TMEM97: variants seen among roughly 807,000 people sequenced by gnomAD.
TMEM97 encodes the protein transmembrane protein 97.
Under a neutral mutation model 18.3 loss-of-function variants are expected in TMEM97, and 13 were observed. The ratio of observed to expected loss-of-function variants is 0.71; its 90% confidence interval spans 0.46 to 1.13. The LOEUF is 1.13. Among genes scored for constraint, TMEM97 ranks in the 50% most tolerant of loss-of-function variants. The pLI is 0.00. For synonymous variants in TMEM97, 76 were observed against 85.3 expected (o/e 0.89, Z 0.60); for missense variants, 205 against 210.5 (o/e 0.97, Z 0.16).
At position 28,319,211 on chromosome 17, in the gene TMEM97, TCAGCGGGTC is replaced by T; in HGVS notation, c.-25_-17del. On this transcript the variant is annotated 5_prime_UTR_variant, in exon 1 of 3. Transcript: ENST00000226230. ...CGCGGATTTGGCCCCTCTTCTCACATCAGCGGGTCCAGGCCCAACCGACAGACTATGGGG... is the reference window on the plus strand; with the variant it reads ...CGCGGATTTGGCCCCTCTTCTCACATCAGGCCCAACCGACAGACTATGGGG... The T allele has an allele frequency of 1.9e-6, 3 of 1,570,650 alleles. No individual in the cohort carries two copies. The highest frequency in any genetic ancestry group is 2.6e-6 in the Non-Finnish European group (3 of 1,158,494).
chr17:28,326,513 CT>C lies in TMEM97; in HGVS notation c.272-17del, dbSNP rs531876569. ...GTCATGAACAGACCTAACCATTTTTCTTTTCCCCTGACTACCTCAGGAAGCT... is the reference window on the plus strand; with the variant it reads ...GTCATGAACAGACCTAACCATTTTTCTTTCCCCTGACTACCTCAGGAAGCT... On this transcript the variant is annotated intron_variant, in intron 2 of 2. Coordinates refer to ENST00000226230, the MANE Select transcript of TMEM97 (RefSeq NM_014573.3). 3 of 1,605,666 alleles carry C rather than the reference CT, an allele frequency of 1.9e-6. 1 individual carries two copies. In the South Asian group the frequency reaches 3.3e-5, roughly 18 times the overall value.
chr17:28,323,511 A>G (rs1555575125), intron 1 of TMEM97, among the ~76,000 whole-genome samples: 1 of 151,794 alleles, frequency 6.6e-6, no homozygotes, highest in East Asian at 1.9e-4. Flanking sequence ...GCTCACTGCA[A>G]CCTCAGCCTC....
intron 1 of TMEM97, chr17:28,319,608 C>G (rs1906065077): frequency 2.4e-6 from 1 of 423,638 alleles, no homozygotes; most frequent in African/African-American, 2.1e-5. Flanking sequence ...CACTTCTTCC[C>G]TGGGTTTAAG....
At chr17:28,326,006 T>C (rs1478369598) in intron 2 of TMEM97, among the ~76,000 whole-genome samples, 3 of 152,290 alleles carry the variant, frequency 2.0e-5, no homozygotes, top group South Asian at 2.1e-4. Flanking sequence ...TACTGACTTA[T>C]AAGCTGTAGC....
At chr17:28,321,799 C>CCT (rs1380022459) in intron 1 of TMEM97, among the ~76,000 whole-genome samples, 22 of 106,092 alleles carry the variant, frequency 2.1e-4, no homozygotes, top group Admixed American at 9.4e-5. Context: ...CTGGCCAGAA[C>CCT]CTGTGTGTGT....
At chr17:28,323,253 A>G (rs1906215903) in intron 1 of TMEM97, among the ~76,000 whole-genome samples, 1 of 152,162 alleles carries the variant, frequency 6.6e-6, no homozygotes, top group Non-Finnish European at 1.5e-5. Context: ...TACGATTATG[A>G]TAATTCATTA....
At chr17:28,321,958 C>T (rs1906164794) in intron 1 of TMEM97, among the ~76,000 whole-genome samples, 1 of 151,968 alleles carries the variant, frequency 6.6e-6, no homozygotes, top group African/African-American at 2.4e-5. Flanking sequence ...TCTGTGCCTC[C>T]ATTCTTGTTG....
At position 28,325,598 on chromosome 17, in the gene TMEM97, T is replaced by C; in HGVS notation, c.222T>C (p.Leu74=). 1.9e-6 allele frequency: 3 copies of C among 1,614,174 alleles called. No individual in the cohort carries two copies. The South Asian group carries it at 3.3e-5, about 18-fold the overall frequency. ...AWFKSFLFCE[L]VFQLPFFPIA... Reference sequence around the variant, plus strand: ...TTAAGTCCTTTCTGTTTTGCGAGCTTGTGTTTCAGCTGCCTTTCTTTCCCA... The same window carrying C: ...TTAAGTCCTTTCTGTTTTGCGAGCTCGTGTTTCAGCTGCCTTTCTTTCCCA... Residue 74 remains leucine, a synonymous_variant, in exon 2 of 3, where the codon CTT becomes CTC. Coordinates refer to ENST00000226230, the MANE Select transcript of TMEM97 (RefSeq NM_014573.3).
Position 28,319,307 on chromosome 17 carries a change from C to T in TMEM97, c.68C>T (p.Pro23Leu). ...GGCCTCTACTTCCTCAGCCACATCC[C>T]CATCACCCTGTTCATGGACCTGCAG... ...LLGLYFLSHI[P>L]ITLFMDLQAV... The change falls in exon 1 of 3, where the codon CCC becomes CTC. Residue 23 changes from proline to leucine, a missense_variant. Transcript: ENST00000226230. 6.2e-7 allele frequency: 1 copy of T among 1,611,344 alleles called. No homozygotes were observed. Among genetic ancestry groups the T allele is most frequent in the Non-Finnish European group, 8.5e-7 (1 of 1,178,824 alleles).
chr17:28,320,316 A>G (rs1906093432), intron 1 of TMEM97, among the ~76,000 whole-genome samples: 1 of 152,124 alleles, frequency 6.6e-6, no homozygotes, highest in South Asian at 2.1e-4. Context: ...CTGCAAGGAG[A>G]ATATAGCTTC....
In TMEM97 at chr17:28,319,200, C is replaced by A. The variant is rs560747844; in HGVS notation, c.-40C>A. On this transcript the variant is annotated 5_prime_UTR_variant, in exon 1 of 3. Coordinates refer to ENST00000226230, the MANE Select transcript of TMEM97 (RefSeq NM_014573.3). ...CTGGGAAGGCGCGCGGATTTGGCCC[C>A]TCTTCTCACATCAGCGGGTCCAGGC... is the stretch of plus-strand genomic sequence containing the variant. 2.6e-6 allele frequency: 4 copies of A among 1,554,868 alleles called. No homozygotes were observed. The highest frequency in any genetic ancestry group is 2.8e-5 in the African/African-American group (2 of 72,306).
chr17:28,326,820 A>C lies in TMEM97; in HGVS notation c.*27A>C. On this transcript the variant is annotated 3_prime_UTR_variant, in exon 3 of 3. Transcript: ENST00000226230. ...GGAAACAACCACTGGCCCAGGGTAGAGATGCCTACAGGGTGGTTGCTTGTT... is the reference window on the plus strand; with the variant it reads ...GGAAACAACCACTGGCCCAGGGTAGCGATGCCTACAGGGTGGTTGCTTGTT... 1 of 1,601,066 alleles carries C rather than the reference A, an allele frequency of 6.2e-7. No individual in the cohort carries two copies. Among genetic ancestry groups the C allele is most frequent in the Non-Finnish European group, 8.5e-7 (1 of 1,177,640 alleles).
chr17:28,323,699 C>T (rs1039584044), intron 1 of TMEM97, among the ~76,000 whole-genome samples: 6 of 152,162 alleles, frequency 3.9e-5, no homozygotes, highest in Non-Finnish European at 7.3e-5. Context: ...GGGCCTGGCC[C>T]AGAATGCCTC....
chr17:28,323,944 G>A (rs1355697709), intron 1 of TMEM97, among the ~76,000 whole-genome samples: 4 of 152,158 alleles, frequency 2.6e-5, no homozygotes, highest in African/African-American at 9.7e-5. Context: ...GCTGCAGTGG[G>A]CCGAGATCAA....
intron 1 of TMEM97, among the ~76,000 whole-genome samples, chr17:28,325,279 G>A (rs1331281022): frequency 6.6e-6 from 1 of 152,162 alleles, no homozygotes; most frequent in Non-Finnish European, 1.5e-5. Context: ...TGGAAGAGTT[G>A]AGAAAATTTC....
rs570230427 is a variant in TMEM97 at position 28,322,354 on chromosome 17, C to T, written c.126+2989C>T. On this transcript the variant is annotated intron_variant, in intron 1 of 2. Coordinates refer to ENST00000226230, the MANE Select transcript of TMEM97 (RefSeq NM_014573.3). Reference sequence around the variant, plus strand: ...CTGCCTCTCGGGTTCAAGCAATTCTCCTGCCTCAGCATCCCAAATAGCTGG... The same window carrying T: ...CTGCCTCTCGGGTTCAAGCAATTCTTCTGCCTCAGCATCCCAAATAGCTGG... Among the ~76,000 whole-genome samples the T allele has an allele frequency of 2.0e-5, 3 of 151,890 alleles. No individual in the cohort carries two copies. The East Asian group carries it at 5.8e-4, about 29-fold the overall frequency.
chr17:28,321,492 C>A (rs1906138795), intron 1 of TMEM97, among the ~76,000 whole-genome samples: 1 of 152,182 alleles, frequency 6.6e-6, no homozygotes, highest in Non-Finnish European at 1.5e-5. Context: ...GCTTGGCGTG[C>A]TGTGATGCAG....
At chr17:28,325,129 T>C (rs1308474165) in intron 1 of TMEM97, among the ~76,000 whole-genome samples, 1 of 152,168 alleles carries the variant, frequency 6.6e-6, no homozygotes, top group Non-Finnish European at 1.5e-5. Flanking sequence ...TTGACAGAAA[T>C]GTCACATTTG....
In TMEM97 at chr17:28,319,492, C is replaced by T. The variant is rs537922451; in HGVS notation, c.126+127C>T. ...CCTCTCTCGGGTCCTGCCCATGCCT[C>T]CCCCGCTCCTAACCCAACTTTAGTT... On this transcript the variant is annotated intron_variant, in intron 1 of 2. Coordinates refer to ENST00000226230, the MANE Select transcript of TMEM97 (RefSeq NM_014573.3). The T allele has an allele frequency of 6.0e-5, 71 of 1,176,756 alleles. 1 individual carries two copies. The African/African-American group carries it at 1.1e-3, about 18-fold the overall frequency. 72.9% of individuals were successfully genotyped at this position (1,176,756 alleles called of 1,614,324 possible). A position where few individuals can be genotyped will look rare whatever the true frequency, so the allele number is the denominator to read the frequency against.
Sources: allele counts gnomAD v4.1 joint callset (sites outside exome capture counted in the v4.1 genomes callset), GRCh38; gene constraint gnomAD v4.1.1; transcripts MANE v1.5; gene names NCBI Gene and HGNC (gene_info 2026-07-23, HGNC 2026-07-21).